COL4A4: variants seen among roughly 807,000 people sequenced by gnomAD.
COL4A4 encodes collagen type IV alpha 4 chain.
Under a neutral mutation model 192.9 loss-of-function variants are expected in COL4A4, and 105 were observed. That is an observed-to-expected ratio of 0.54 (90% CI 0.46 to 0.64). The LOEUF (loss-of-function observed/expected upper bound fraction) is 0.64. Ranked by LOEUF, COL4A4 falls within the 30% of genes least tolerant of loss-of-function variation. COL4A4 has a pLI of 0.00. For synonymous variants in COL4A4, 762 were observed against 769.9 expected (o/e 0.99, Z 0.17); for missense variants, 1,967 against 2,169.3 (o/e 0.91, Z 1.85).
In COL4A4 at chr2:227,045,955, ATATGTATATATT is replaced by A. The variant is rs1174858593; in HGVS notation, c.3289+1508_3289+1519del. Reference sequence around the variant, plus strand: ...TATATGTATATATGTATATATGTATATATGTATATATTTATATGTGTATATGTATATATTTAG... The same window carrying A: ...TATATGTATATATGTATATATGTATATATATGTGTATATGTATATATTTAG... On this transcript the variant is annotated intron_variant, in intron 35 of 47. Coordinates refer to ENST00000396625, the MANE Select transcript of COL4A4 (RefSeq NM_000092.5). 4.3e-5 allele frequency among the ~76,000 whole-genome samples: 4 copies of A among 93,720 alleles called. 1 individual carries two copies. The highest frequency in any genetic ancestry group is 1.8e-4 in the African/African-American group (4 of 21,762). The allele number at this position is 93,720 out of a possible 152,430, so 61.5% of individuals were successfully genotyped here.
At chr2:227,024,045 G>C (rs1211282382) in intron 43 of COL4A4, among the ~76,000 whole-genome samples, 4 of 151,686 alleles carry the variant, frequency 2.6e-5, no homozygotes, top group Non-Finnish European at 5.9e-5. Flanking sequence ...AACCACTCAG[G>C]CTCAGGCAAA....
At chr2:227,072,183 G>A (rs1179658932) in intron 25 of COL4A4, among the ~76,000 whole-genome samples, 1 of 151,422 alleles carries the variant, frequency 6.6e-6, no homozygotes, top group African/African-American at 2.4e-5. Context: ...GAAGAGAGAA[G>A]ATCCAAATAA....
chr2:227,082,675 G>A (rs1205218968), intron 22 of COL4A4, among the ~76,000 whole-genome samples: 3 of 152,196 alleles, frequency 2.0e-5, no homozygotes, highest in Non-Finnish European at 4.4e-5. Context: ...GCTGCCACCA[G>A]AGCTGAAGGT....
At chr2:227,088,232 T>C (rs2059706841) in intron 22 of COL4A4, among the ~76,000 whole-genome samples, 1 of 152,248 alleles carries the variant, frequency 6.6e-6, no homozygotes, top group African/African-American at 2.4e-5. Flanking sequence ...GATTTTTATC[T>C]CTACGTGTCT....
intron 33 of COL4A4, 61 bp from the exon 34 acceptor site, chr2:227,050,192 A>C (rs1029125537): frequency 4.2e-6 from 6 of 1,433,388 alleles, no homozygotes; most frequent in Non-Finnish European, 4.9e-6. Flanking sequence ...GCACATGCAC[A>C]ACACGATCCA....
intron 21 of COL4A4, among the ~76,000 whole-genome samples, chr2:227,089,579 C>T (rs1454531933): frequency 2.5e-5 from 2 of 81,316 alleles, no homozygotes; most frequent in Non-Finnish European, 5.7e-5. Context: ...TCATGGCAGG[C>T]AAATGTTCCA....
chr2:227,147,113 A>C (rs2063595600), intron 2 of COL4A4, among the ~76,000 whole-genome samples: 1 of 152,072 alleles, frequency 6.6e-6, no homozygotes, highest in Non-Finnish European at 1.5e-5. Context: ...AGTTATAGGG[A>C]CCCTGAAACT....
At chr2:226,968,868 A>G in the COL4A4 span, 1 of 152,216 alleles carries the variant, frequency 6.6e-6, no homozygotes, top group Non-Finnish European at 1.5e-5. Context: ...TCATCTGAGG[A>G]GTGGGTTCAG....
At chr2:227,120,277 A>C (rs923673507) in intron 5 of COL4A4, among the ~76,000 whole-genome samples, 1 of 152,188 alleles carries the variant, frequency 6.6e-6, no homozygotes, top group Non-Finnish European at 1.5e-5. Context: ...TGCACTACCC[A>C]AAGTTGGGGT....
chr2:227,033,598 T>C, intron 37 of COL4A4, 117 bp from the exon 38 acceptor site: 1 of 811,054 alleles, frequency 1.2e-6, no homozygotes, highest in East Asian at 2.6e-5. Context: ...CAAACAGCTC[T>C]GAGCGTCTGG....
intron 25 of COL4A4, among the ~76,000 whole-genome samples, chr2:227,064,349 T>A (rs907465224): frequency 6.6e-6 from 1 of 151,730 alleles, no homozygotes; most frequent in Non-Finnish European, 1.5e-5. Context: ...ATTAACCCAA[T>A]CAGACAAAAA....
intron 35 of COL4A4, among the ~76,000 whole-genome samples, chr2:227,046,792 C>A (rs1189417349): frequency 1.3e-5 from 2 of 151,966 alleles, no homozygotes; most frequent in Non-Finnish European, 2.9e-5. Context: ...AACACTGGCA[C>A]CCCCCTTCTG....
chr2:226,972,395 G>C, the COL4A4 span, among the ~76,000 whole-genome samples: 1 of 152,198 alleles, frequency 6.6e-6, no homozygotes, highest in East Asian at 1.9e-4. Flanking sequence ...GGAAGAGAGA[G>C]ACAGGGATTA....
chr2:226,978,919 G>A, the COL4A4 span, among the ~76,000 whole-genome samples: 885 of 152,258 alleles, frequency 5.8e-3, 10 homozygotes, highest in African/African-American at 0.02. Flanking sequence ...AGACAGGAGC[G>A]AGTGTGGGGA....
the COL4A4 span, among the ~76,000 whole-genome samples, chr2:226,983,101 A>G: frequency 6.6e-6 from 1 of 152,232 alleles, no homozygotes; most frequent in East Asian, 1.9e-4. Context: ...ACATAACCAC[A>G]GAACACACTA....
Position 227,151,478 on chromosome 2 carries a change from A to T in COL4A4, c.-101-3894T>A, listed in dbSNP as rs114514675. ...ACTGAAATGAGACAGGTTCAGCAAC[A>T]ATCCTATTCCATTTTAGTTTCCAAA... On this transcript the variant is annotated intron_variant, in intron 1 of 47. Coordinates refer to ENST00000396625, the MANE Select transcript of COL4A4 (RefSeq NM_000092.5). Among the ~76,000 whole-genome samples the T allele has an allele frequency of 7.4e-3, 1,125 of 152,342 alleles. 14 individuals are homozygous for T. The highest frequency in any genetic ancestry group is 0.026 in the African/African-American group (1,075 of 41,568).
chr2:227,075,097 C>T (rs1029579422), intron 25 of COL4A4, among the ~76,000 whole-genome samples: 12 of 152,186 alleles, frequency 7.9e-5, no homozygotes, highest in Non-Finnish European at 1.6e-4. Flanking sequence ...GGTACCATTT[C>T]TTCTGAAACT....
chr2:227,144,624 G>A (rs1266429644), intron 2 of COL4A4, 66 bp from the exon 3 acceptor site: 4 of 1,313,368 alleles, frequency 3.0e-6, no homozygotes, highest in African/African-American at 2.9e-5. Flanking sequence ...AAAAGAAAAA[G>A]AGTAAAGGAA....
downstream of COL4A4, among the ~76,000 whole-genome samples, chr2:227,001,492 G>A (rs570729312): frequency 5.3e-5 from 8 of 152,274 alleles, no homozygotes; most frequent in South Asian, 4.1e-4. Context: ...CTTAGAACCC[G>A]TAAAACAAGG....
Sources: gnomAD v4.1 joint callset for allele counts (sites outside exome capture counted in the v4.1 genomes callset) on GRCh38, gnomAD v4.1.1 for gene constraint, MANE v1.5 for transcripts, NCBI Gene and HGNC (gene_info 2026-07-23, HGNC 2026-07-21) for gene names.